Variants in TANC2 observed in about 807,000 individuals in gnomAD.
TANC2 encodes the protein protein TANC2.
A neutral mutation model predicts 210.5 loss-of-function variants in TANC2; 26 were observed. That is an observed-to-expected ratio of 0.12 (90% CI 0.09 to 0.17). The LOEUF (loss-of-function observed/expected upper bound fraction) is 0.17, where lower values mean the gene tolerates loss of function less well. TANC2 is among the 10% of genes least tolerant of loss of function. The pLI is 1.00. For synonymous variants in TANC2, 931 were observed against 967.1 expected (o/e 0.96, Z 0.69); for missense variants, 2,129 against 2,608.9 (o/e 0.82, Z 4.01).
At chr17:63,354,650 A>G in intron 13 of TANC2, 133 bp from the exon 14 acceptor site, 1 of 1,153,184 alleles carries the variant, frequency 8.7e-7, no homozygotes, top group Non-Finnish European at 1.2e-6. Flanking sequence ...CTTTTTGGAT[A>G]CTAATACTTG....
chr17:63,414,177 C>T (rs1314437470), intron 25 of TANC2: 1 of 152,130 alleles, frequency 6.6e-6, no homozygotes, highest in Non-Finnish European at 1.5e-5. Flanking sequence ...GGCTCCATAC[C>T]CTGACACAAA....
At position 63,222,193 on chromosome 17, in the gene TANC2, T is replaced by G. The variant is rs75748359; in HGVS notation, c.770-15621T>G. ...AGCTTTTTTGGTACACTTATATTGG[T>G]GGATCAACCCCACTCAGGACCAAAT... On this transcript the variant is annotated intron_variant, in intron 7 of 27. Transcript: ENST00000689528. Among the ~76,000 whole-genome samples, 1,282 of 152,202 alleles carry G rather than the reference T, an allele frequency of 8.4e-3. 15 individuals carry two copies. Among genetic ancestry groups the G allele is most frequent in the African/African-American group, 0.028 (1,173 of 41,504 alleles).
At chr17:63,211,247 G>C (rs1402153544) in intron 7 of TANC2, among the ~76,000 whole-genome samples, 1 of 152,010 alleles carries the variant, frequency 6.6e-6, no homozygotes, top group African/African-American at 2.4e-5. Flanking sequence ...CACTCTTTTG[G>C]CTCTCATTTG....
intron 15 of TANC2, among the ~76,000 whole-genome samples, chr17:63,387,538 A>G (rs779590342): frequency 3.3e-5 from 5 of 152,234 alleles, no homozygotes; most frequent in Non-Finnish European, 5.9e-5. Flanking sequence ...AGAACATTCT[A>G]TATTTCAGGG....
intron 1 of TANC2, chr17:63,004,592 T>TAAAAA (rs60120400): frequency 2.3e-4 from 35 of 153,276 alleles, no homozygotes; most frequent in South Asian, 7.6e-4. Context: ...AGCATAGCTT[T>TAAAAA]AAAAAAAAAA....
intron 5 of TANC2, among the ~76,000 whole-genome samples, chr17:63,155,507 T>C (rs2039804722): frequency 6.6e-6 from 1 of 152,142 alleles, no homozygotes; most frequent in African/African-American, 2.4e-5. Flanking sequence ...AAATTTCAAG[T>C]ATAGAAGTGA....
chr17:63,386,754 A>G (rs1001441977), intron 15 of TANC2, among the ~76,000 whole-genome samples: 1 of 152,212 alleles, frequency 6.6e-6, no homozygotes, highest in African/African-American at 2.4e-5. Flanking sequence ...TTTTAATACC[A>G]TATTATTTTA....
intron 14 of TANC2, among the ~76,000 whole-genome samples, chr17:63,366,953 C>T (rs2047127866): frequency 6.6e-6 from 1 of 152,170 alleles, no homozygotes; most frequent in Admixed American, 6.5e-5. Flanking sequence ...ACAGCAACAA[C>T]TAAAGTTTAA....
intron 2 of TANC2, among the ~76,000 whole-genome samples, chr17:63,037,880 AACTT>A (rs1251578603): frequency 1.3e-5 from 2 of 152,138 alleles, no homozygotes; most frequent in African/African-American, 2.4e-5. Context: ...TTGCTAAACT[AACTT>A]ATTAGTTCTA....
intron 9 of TANC2, among the ~76,000 whole-genome samples, chr17:63,274,101 T>A (rs1172615931): frequency 2.0e-5 from 3 of 152,212 alleles, no homozygotes; most frequent in Non-Finnish European, 2.9e-5. Context: ...GCCTTAATAG[T>A]AACTGCAGTT....
chr17:63,033,765 T>C (rs1183117556), intron 2 of TANC2, among the ~76,000 whole-genome samples: 1 of 152,132 alleles, frequency 6.6e-6, no homozygotes, highest in Non-Finnish European at 1.5e-5. Flanking sequence ...GAGGTGATGA[T>C]GGGTTATCCA....
chr17:63,013,953 C>T (rs1040322644), intron 2 of TANC2, among the ~76,000 whole-genome samples: 2 of 151,756 alleles, frequency 1.3e-5, no homozygotes, highest in African/African-American at 2.4e-5. Flanking sequence ...ATAGACCATA[C>T]GCATATCATC....
chr17:62,977,420 A>G (rs2032068380), intron 1 of TANC2, among the ~76,000 whole-genome samples: 1 of 152,216 alleles, frequency 6.6e-6, no homozygotes, highest in African/African-American at 2.4e-5. Flanking sequence ...GCACTTGGGA[A>G]AGACTACTTA....
intron 2 of TANC2, among the ~76,000 whole-genome samples, chr17:63,013,608 A>G (rs983289905): frequency 6.6e-6 from 1 of 152,050 alleles, no homozygotes; most frequent in African/African-American, 2.4e-5. Context: ...TTAAAAATGC[A>G]TAAATTAGCC....
chr17:63,389,494 G>A (rs1248959250), exon 17 of TANC2: 2 of 1,613,096 alleles, frequency 1.2e-6, no homozygotes, highest in South Asian at 1.1e-5. Flanking sequence ...ATATGCTGCA[G>A]CAGCAGGGTA....
chr17:63,105,327 A>G (rs551090906), intron 4 of TANC2, among the ~76,000 whole-genome samples: 1 of 151,908 alleles, frequency 6.6e-6, no homozygotes, highest in African/African-American at 2.4e-5. Context: ...TGGATATTTT[A>G]GATGCTAGCT....
At chr17:63,127,339 C>A (rs958720498) in intron 4 of TANC2, among the ~76,000 whole-genome samples, 1 of 152,172 alleles carries the variant, frequency 6.6e-6, no homozygotes, top group Non-Finnish European at 1.5e-5. Context: ...TCTTCTACTT[C>A]TAACTTAATT....
intron 9 of TANC2, among the ~76,000 whole-genome samples, chr17:63,287,461 ATC>A (rs1472689946): frequency 6.6e-6 from 1 of 151,972 alleles, no homozygotes; most frequent in Non-Finnish European, 1.5e-5. Flanking sequence ...CTTTTTGGTT[ATC>A]TGATGTTGTG....
chr17:63,008,059 T>G (rs139316778), intron 1 of TANC2, among the ~76,000 whole-genome samples: 108 of 151,960 alleles, frequency 7.1e-4, no homozygotes, highest in Middle Eastern at 6.8e-3. Flanking sequence ...TGAAAGTATC[T>G]TTCAGTCTGT....
Sources: gnomAD v4.1 joint callset for allele counts (sites outside exome capture counted in the v4.1 genomes callset) on GRCh38, gnomAD v4.1.1 for gene constraint, MANE v1.5 for transcripts, NCBI Gene and HGNC (gene_info 2026-07-23, HGNC 2026-07-21) for gene names.